The following SLC19A1 variants were observed in gnomAD, a reference collection of about 807,000 sequenced individuals.
The protein encoded by SLC19A1 is reduced folate transporter.
A neutral mutation model predicts 35.3 loss-of-function variants in SLC19A1; 37 were observed. The observed-to-expected ratio is 1.05, with a 90% CI of 0.81 to 1.38. The LOEUF (loss-of-function observed/expected upper bound fraction) is 1.38. Among genes scored for constraint, SLC19A1 ranks in the 40% most tolerant of loss-of-function variants. SLC19A1 has a pLI of 0.00. For synonymous variants in SLC19A1, 460 were observed against 398.5 expected, an observed-to-expected ratio of 1.15 and a Z score of -1.84; for missense variants, 831 against 826.9, an observed-to-expected ratio of 1.00 and a Z score of -0.06.
At chr21:45,527,470 TGGA>T (rs1230802490) in intron 4 of SLC19A1, among the ~76,000 whole-genome samples, 1 of 114,084 alleles carries the variant, frequency 8.8e-6, no homozygotes, top group Non-Finnish European at 1.8e-5. Context: ...GGGCGGGCCC[TGGA>T]GGTGAGTGGC....
At chr21:45,503,527 A>C (rs1294723080) in intron 3 of SLC19A1, among the ~76,000 whole-genome samples, 1 of 151,452 alleles carries the variant, frequency 6.6e-6, no homozygotes, top group Non-Finnish European at 1.5e-5. Flanking sequence ...TCAGTAAACT[A>C]TTGCAAGAAC....
intron 1 of SLC19A1, among the ~76,000 whole-genome samples, chr21:45,549,522 G>A (rs989048253): frequency 2.0e-5 from 3 of 150,220 alleles, no homozygotes; most frequent in Non-Finnish European, 4.4e-5. Flanking sequence ...CAAGTCGAAT[G>A]CTCCAAGCCC....
chr21:45,523,426 C>T (rs377041895), intron 5 of SLC19A1, among the ~76,000 whole-genome samples: 2 of 152,230 alleles, frequency 1.3e-5, no homozygotes, highest in Admixed American at 6.5e-5. Context: ...CTGTCTCCCC[C>T]ACAGCCTCCA....
chr21:45,503,937 G>A, intron 3 of SLC19A1: 1 of 1,562,836 alleles, frequency 6.4e-7, no homozygotes, highest in Non-Finnish European at 8.8e-7. Flanking sequence ...ACCCACCAGT[G>A]CTGGGGGCTG....
chr21:45,512,555 A>C (rs1568958256), downstream of SLC19A1: 1 of 698,112 alleles, frequency 1.4e-6, no homozygotes, highest in East Asian at 2.7e-5. Context: ...AATAAAAGGA[A>C]GCCAAAGAGT....
chr21:45,526,272 T>C (rs892459314), intron 4 of SLC19A1, among the ~76,000 whole-genome samples: 2 of 152,238 alleles, frequency 1.3e-5, no homozygotes, highest in African/African-American at 4.8e-5. Context: ...TATTCACATG[T>C]CCATAATGAG....
intron 1 of SLC19A1, among the ~76,000 whole-genome samples, chr21:45,539,715 T>C (rs2078244243): frequency 1.3e-5 from 2 of 152,178 alleles, no homozygotes. Flanking sequence ...GGCAAAGCCA[T>C]CAGCATCATC....
chr21:45,509,316 G>C (rs763335204), downstream of SLC19A1: 2 of 1,537,366 alleles, frequency 1.3e-6, no homozygotes, highest in South Asian at 2.4e-5. Context: ...GGCACCCGGA[G>C]GGTCCCCCCG....
At position 45,557,982 on chromosome 21, in the gene SLC19A1, G is replaced by A. The variant is rs1036242932; in HGVS notation, c.-50+4760C>T. On this transcript the variant is annotated intron_variant, in intron 1 of 5. Transcript: ENST00000650808. ...TGTTTAGACATGAGCTCCATTCTTC[G>A]GAGGGCATGACCAGGAGGCCACCTA... is the stretch of plus-strand genomic sequence containing the variant. Among the ~76,000 whole-genome samples the A allele has an allele frequency of 4.6e-5, 7 of 152,312 alleles. No individual in the cohort carries two copies. In the East Asian group the frequency reaches 5.8e-4, roughly 13 times the overall value.
At chr21:45,549,997 G>T (rs1463805349) in intron 1 of SLC19A1, among the ~76,000 whole-genome samples, 1 of 151,952 alleles carries the variant, frequency 6.6e-6, no homozygotes, top group Non-Finnish European at 1.5e-5. Context: ...GCAGAGCCCC[G>T]AACTCTCTGG....
chr21:45,550,578 G>C (rs1360062315), intron 1 of SLC19A1, among the ~76,000 whole-genome samples: 2 of 152,236 alleles, frequency 1.3e-5, no homozygotes, highest in Non-Finnish European at 2.9e-5. Flanking sequence ...GCCAAGGGGA[G>C]ACCACAGCCA....
At chr21:45,503,752 A>G (rs896103751) in intron 3 of SLC19A1, among the ~76,000 whole-genome samples, 3 of 152,152 alleles carry the variant, frequency 2.0e-5, no homozygotes, top group Non-Finnish European at 4.4e-5. Context: ...TAACCTGCAC[A>G]TCATGCACAT....
rs756227272 is a variant in SLC19A1, at chr21:45,530,744, CG to C, written c.1151+25del. ...CTTGATCCTGGCGCCTGCCCGCCCCCGGCTTCCCACCCTTCTGGAACTCACG... is the reference window on the plus strand; with the variant it reads ...CTTGATCCTGGCGCCTGCCCGCCCCCGCTTCCCACCCTTCTGGAACTCACG... On this transcript the variant is annotated intron_variant, in intron 4 of 5. Transcript: ENST00000311124. This position sits in a 1 kb window ranked among gnomAD's most constrained non-coding sequence, Gnocchi z 5.3. The C allele has an allele frequency of 1.3e-6, 2 of 1,546,268 alleles. No homozygotes were observed. Among genetic ancestry groups the C allele is most frequent in the South Asian group, 2.4e-5 (2 of 83,946 alleles).
In SLC19A1 at chr21:45,534,763, C is replaced by G. The variant is rs959772444; in HGVS notation, c.190-2615G>C. The stretch of plus-strand genomic sequence containing the variant: ...GACAGCAGGGAGGCTCTGCCCAGAG[C>G]TGTGACCTGCGTCCCACTTACAAGG... On this transcript the variant is annotated intron_variant, in intron 2 of 5. Coordinates refer to ENST00000311124, the MANE Select transcript of SLC19A1 (RefSeq NM_194255.4). The surrounding 1 kb of genome is among the most constrained non-coding windows in gnomAD (Gnocchi z 4.2). 1.6e-6 allele frequency: 1 copy of G among 624,892 alleles called. No individual in the cohort carries two copies. The highest frequency in any genetic ancestry group is 1.8e-5 in the African/African-American group (1 of 54,156). The allele number at this position is 624,892 out of a possible 1,614,324, so 38.7% of individuals were successfully genotyped here.
At chr21:45,516,199 T>TA (rs2037929228) in intron 5 of SLC19A1, 59 bp from the exon 6 acceptor site, 1 of 1,364,164 alleles carries the variant, frequency 7.3e-7, no homozygotes, top group Admixed American at 1.9e-5. Context: ...ACTGGCACCC[T>TA]ACACCCCGAC....
chr21:45,508,631 A>G (rs2037393642), downstream of SLC19A1, among the ~76,000 whole-genome samples: 1 of 152,048 alleles, frequency 6.6e-6, no homozygotes, highest in African/African-American at 2.4e-5. Flanking sequence ...TTGGCTCAGG[A>G]GTGAGGCCTG....
chr21:45,556,906 C>T (rs958533745), intron 1 of SLC19A1, among the ~76,000 whole-genome samples: 1 of 152,130 alleles, frequency 6.6e-6, no homozygotes, highest in Non-Finnish European at 1.5e-5. Context: ...GACTCAGATG[C>T]ATGTGTCACC....
intron 1 of SLC19A1, among the ~76,000 whole-genome samples, chr21:45,562,677 C>G (rs902663410): frequency 1.3e-5 from 2 of 152,174 alleles, no homozygotes; most frequent in African/African-American, 4.8e-5. Context: ...CAGCTGGGAG[C>G]CTGCTAGGCA....
downstream of SLC19A1, among the ~76,000 whole-genome samples, chr21:45,508,416 A>G (rs1029102964): frequency 4.1e-5 from 5 of 120,984 alleles, no homozygotes; most frequent in Non-Finnish European, 6.6e-5. Flanking sequence ...AGATGAGTGG[A>G]TGAATGGGTG....
Sources: allele counts gnomAD v4.1 joint callset (sites outside exome capture counted in the v4.1 genomes callset), GRCh38; gene constraint gnomAD v4.1.1; non-coding constraint Gnocchi (gnomAD v3.1); transcripts MANE v1.5; gene names NCBI Gene and HGNC (gene_info 2026-07-23, HGNC 2026-07-21).